The following NCOR2 variants were observed in gnomAD, a reference collection of about 807,000 sequenced individuals.
NCOR2 encodes the protein nuclear receptor corepressor 2.
In NCOR2, 81 loss-of-function variants were observed where a neutral mutation model predicts 262.9. The ratio of observed to expected loss-of-function variants is 0.31; its 90% CI spans 0.26 to 0.37. The LOEUF is 0.37. Among genes scored for constraint, NCOR2 ranks in the 10% least tolerant of loss-of-function variants. The pLI is 1.00. For synonymous variants in NCOR2, 1,659 were observed against 1,559.3 expected (o/e 1.06, Z -1.51); for missense variants, 3,385 against 3,621.4 (o/e 0.93, Z 1.68).
chr12:124,543,764 C>T (rs572229559), intron 1 of NCOR2, among the ~76,000 whole-genome samples: 1 of 152,310 alleles, frequency 6.6e-6, no homozygotes, highest in South Asian at 2.1e-4. Context: ...CACGACAGGG[C>T]AGGGAGCGCA....
At chr12:124,354,124 C>T in exon 27 of NCOR2, 2 of 1,610,746 alleles carry the variant, frequency 1.2e-6, no homozygotes, top group Non-Finnish European at 1.7e-6. Context: ...TGTGATGGCG[C>T]TGTCCGAGGG....
intron 12 of NCOR2, among the ~76,000 whole-genome samples, chr12:124,421,764 CCACGTCCA>C (rs753426603): frequency 2.6e-5 from 4 of 152,232 alleles, no homozygotes; most frequent in Non-Finnish European, 5.9e-5. Context: ...GGCCCAGGGG[CCACGTCCA>C]ACATGCAGCC....
intron 8 of NCOR2, among the ~76,000 whole-genome samples, chr12:124,435,702 C>G (rs971608941): frequency 9.9e-5 from 15 of 152,208 alleles, no homozygotes. Context: ...GGGTCCCCCT[C>G]CCCAGGCACT....
rs1340068207 is a variant in NCOR2 at position 124,548,153 on chromosome 12, C to T, written c.-164-12542G>A. ...TAACTCTCCTCCACATCACATCAGGCCTCCTAAACGTGCACTGAGCTGGGA... is the reference window on the plus strand; with the variant it reads ...TAACTCTCCTCCACATCACATCAGGTCTCCTAAACGTGCACTGAGCTGGGA... On this transcript the variant is annotated intron_variant, in intron 1 of 32. Coordinates refer to the NCOR2 transcript ENST00000458234. This position sits in a 1 kb window ranked among gnomAD's most constrained non-coding sequence, Gnocchi z 5.1. Among the ~76,000 whole-genome samples, 1 of 152,026 alleles carries T rather than the reference C, an allele frequency of 6.6e-6. No individual in the cohort carries two copies. Among genetic ancestry groups the T allele is most frequent in the East Asian group, 1.9e-4 (1 of 5,174 alleles).
exon 37 of NCOR2, chr12:124,340,010 G>A (rs753066848): frequency 7.5e-6 from 12 of 1,608,252 alleles, no homozygotes; most frequent in Non-Finnish European, 1.0e-5. Context: ...GCCCACCTCA[G>A]GACCGTGGGC....
intron 14 of NCOR2, among the ~76,000 whole-genome samples, chr12:124,402,134 C>T (rs1704102992): frequency 6.6e-6 from 1 of 152,134 alleles, no homozygotes; most frequent in Admixed American, 6.5e-5. Context: ...AGGAGTGGAG[C>T]TCAAATGAGC....
intron 7 of NCOR2, among the ~76,000 whole-genome samples, chr12:124,438,298 C>T (rs1299358761): frequency 1.3e-5 from 2 of 152,196 alleles, no homozygotes; most frequent in Non-Finnish European, 1.5e-5. Flanking sequence ...CCGGCAGCCA[C>T]ATCTGCCCAC....
At position 124,432,650 on chromosome 12, in the gene NCOR2, C is replaced by T. The variant is rs2044032508; in HGVS notation, c.883-1863G>A. On this transcript the variant is annotated intron_variant, in intron 8 of 46. Transcript: ENST00000405201. This position sits in a 1 kb window ranked among gnomAD's most constrained non-coding sequence, Gnocchi z 5.1. ...GAAAACCACATTCCAAGCAGTTCCT[C>T]ATTCCCCAGCCTCACCCCAAGGACC... is the stretch of plus-strand genomic sequence containing the variant. 6.6e-6 allele frequency among the ~76,000 whole-genome samples: 1 copy of T among 152,190 alleles called. No individual in the cohort carries two copies. Among genetic ancestry groups the T allele is most frequent in the Non-Finnish European group, 1.5e-5 (1 of 68,032 alleles).
At chr12:124,535,441 G>C (rs557000275) in intron 1 of NCOR2, 124 bp downstream of exon 2, 3 of 152,356 alleles carry the variant, frequency 2.0e-5, no homozygotes. Flanking sequence ...CACGCCCCCC[G>C]AGGCCCCCAC....
chr12:124,417,633 T>C (rs2136282767), intron 13 of NCOR2, among the ~76,000 whole-genome samples: 1 of 152,324 alleles, frequency 6.6e-6, no homozygotes, highest in South Asian at 2.1e-4. Context: ...TTGAGGCCGT[T>C]AGCCACCCTT....
intron 1 of NCOR2, chr12:124,556,007 G>T (rs907558583): frequency 6.6e-6 from 1 of 152,258 alleles, no homozygotes; most frequent in East Asian, 1.9e-4. Context: ...CTCGAGAGAC[G>T]AGGAATCTGA....
intron 18 of NCOR2, among the ~76,000 whole-genome samples, chr12:124,375,878 C>G (rs1275195516): frequency 1.3e-5 from 2 of 152,216 alleles, no homozygotes; most frequent in East Asian, 1.9e-4. Context: ...TTCCACTGCC[C>G]CCGGGGAGGG....
At chr12:124,490,339 G>C (rs2048011205) in intron 1 of NCOR2, among the ~76,000 whole-genome samples, 1 of 152,172 alleles carries the variant, frequency 6.6e-6, no homozygotes, top group Admixed American at 6.5e-5. Context: ...ATGCTTACCT[G>C]TTCTGTTCAC....
chr12:124,498,862 G>A (rs1179013048), upstream of NCOR2, among the ~76,000 whole-genome samples: 1 of 152,192 alleles, frequency 6.6e-6, no homozygotes, highest in Non-Finnish European at 1.5e-5. Context: ...AAAATGTCAT[G>A]CTGAACCAAA....
chr12:124,432,675 C>T lies in NCOR2; in HGVS notation c.883-1888G>A, dbSNP rs779031232. Among the ~76,000 whole-genome samples the T allele has an allele frequency of 1.3e-5, 2 of 152,196 alleles. No individual in the cohort carries two copies. Among genetic ancestry groups the T allele is most frequent in the Non-Finnish European group, 2.9e-5 (2 of 68,030 alleles). On this transcript the variant is annotated intron_variant, in intron 8 of 46. Transcript: ENST00000405201. The surrounding 1 kb of genome is among the most constrained non-coding windows in gnomAD (Gnocchi z 5.1). Reference sequence around the variant, plus strand: ...CATTCCCCAGCCTCACCCCAAGGACCAGCTGTGAGGACCCCAGCAGCTCCC... The same window carrying T: ...CATTCCCCAGCCTCACCCCAAGGACTAGCTGTGAGGACCCCAGCAGCTCCC...
chr12:124,327,572 C>T (rs764050206), exon 45 of NCOR2: 3 of 1,613,706 alleles, frequency 1.9e-6, no homozygotes, highest in East Asian at 2.2e-5. Flanking sequence ...TAATTATGGC[C>T]TCCAGCCCCA....
chr12:124,525,251 C>G (rs2050402618), intron 1 of NCOR2, among the ~76,000 whole-genome samples: 1 of 152,156 alleles, frequency 6.6e-6, no homozygotes, highest in Non-Finnish European at 1.5e-5. Context: ...CCTCATCCCC[C>G]TTCCTTTCAC....
intron 16 of NCOR2, chr12:124,388,948 G>A: frequency 1.4e-6 from 1 of 726,962 alleles, no homozygotes; most frequent in South Asian, 1.8e-5. Context: ...GGGGCGGGCG[G>A]GAGGCAGCTC....
chr12:124,430,192 A>G, intron 9 of NCOR2, among the ~76,000 whole-genome samples: 1 of 152,164 alleles, frequency 6.6e-6, no homozygotes, highest in Admixed American at 6.5e-5. Flanking sequence ...AAAAATGGCC[A>G]TAGAACCACA....
Sources: gnomAD v4.1 joint callset for allele counts (sites outside exome capture counted in the v4.1 genomes callset) on GRCh38, gnomAD v4.1.1 for gene constraint, Gnocchi (gnomAD v3.1) non-coding constraint, MANE v1.5 for transcripts, NCBI Gene and HGNC (gene_info 2026-07-23, HGNC 2026-07-21) for gene names.